MIPEP: variants seen among roughly 807,000 people sequenced by gnomAD.
The protein encoded by MIPEP is mitochondrial intermediate peptidase.
In MIPEP, 79 loss-of-function variants were observed where a neutral mutation model predicts 90.3. The ratio of observed to expected loss-of-function variants is 0.87; its 90% CI spans 0.73 to 1.05. The LOEUF is 1.05. Among genes scored for constraint, MIPEP ranks in the 50% least tolerant of loss-of-function variants. The pLI is 0.00. For synonymous variants in MIPEP, 334 were observed against 315.8 expected, an observed-to-expected ratio of 1.06 and a Z score of -0.61; for missense variants, 940 against 905.6, an observed-to-expected ratio of 1.04 and a Z score of -0.49.
chr13:23,797,242 C>T (rs558006553), intron 16 of MIPEP, among the ~76,000 whole-genome samples: 11 of 152,228 alleles, frequency 7.2e-5, no homozygotes, highest in African/African-American at 2.6e-4. Flanking sequence ...TTCCCTGCTG[C>T]CCCTTCCCAC....
intron 16 of MIPEP, chr13:23,766,195 T>C (rs1035039970): frequency 1.3e-5 from 2 of 152,250 alleles, no homozygotes; most frequent in Non-Finnish European, 2.9e-5. Flanking sequence ...CATTATTTGA[T>C]AGATGATGTA....
intron 18 of MIPEP, among the ~76,000 whole-genome samples, chr13:23,741,093 G>A (rs984801262): frequency 1.5e-4 from 23 of 152,082 alleles, no homozygotes; most frequent in Non-Finnish European, 1.5e-5. Flanking sequence ...TAAAATCAAA[G>A]CTAAAAAATC....
At chr13:23,816,150 C>T (rs1953234383) in intron 14 of MIPEP, among the ~76,000 whole-genome samples, 1 of 152,064 alleles carries the variant, frequency 6.6e-6, no homozygotes, top group African/African-American at 2.4e-5. Flanking sequence ...ATTGTTTGTC[C>T]TGCTTGGGAT....
intron 14 of MIPEP, among the ~76,000 whole-genome samples, chr13:23,828,966 TAC>T (rs1297671424): frequency 2.0e-5 from 3 of 152,240 alleles, no homozygotes; most frequent in Admixed American, 2.0e-4. Context: ...GCTCTAGTAA[TAC>T]AGACAGCATG....
At chr13:23,806,090 A>G in intron 15 of MIPEP, 21 bp from the exon 16 acceptor site, 1 of 1,613,242 alleles carries the variant, frequency 6.2e-7, no homozygotes, top group Non-Finnish European at 8.5e-7. Context: ...AAAAACATCT[A>G]CTTAGTTTTG....
At chr13:23,860,481 C>T (rs1870243031) in intron 9 of MIPEP, among the ~76,000 whole-genome samples, 1 of 152,174 alleles carries the variant, frequency 6.6e-6, no homozygotes, top group African/African-American at 2.4e-5. Flanking sequence ...AAGAACACAG[C>T]CTCGGCTTGG....
intron 18 of MIPEP, among the ~76,000 whole-genome samples, chr13:23,745,384 G>A (rs1952371117): frequency 1.3e-5 from 2 of 152,158 alleles, no homozygotes; most frequent in South Asian, 2.1e-4. Flanking sequence ...GCTCTTTCAG[G>A]AAACAGTCCA....
At chr13:23,776,319 G>A (rs928256719) in intron 16 of MIPEP, among the ~76,000 whole-genome samples, 2 of 152,112 alleles carry the variant, frequency 1.3e-5, no homozygotes, top group African/African-American at 4.8e-5. Flanking sequence ...CTATCATCAA[G>A]CAACCAGGAC....
chr13:23,773,677 C>T (rs142816015), intron 16 of MIPEP, among the ~76,000 whole-genome samples: 255 of 152,312 alleles, frequency 1.7e-3, no homozygotes, highest in African/African-American at 5.9e-3. Context: ...GAAGTAGTCT[C>T]GCACTGTGGT....
intron 7 of MIPEP, among the ~76,000 whole-genome samples, chr13:23,868,788 A>G (rs1379050568): frequency 1.3e-5 from 2 of 152,214 alleles, no homozygotes; most frequent in African/African-American, 2.4e-5. Context: ...GGAACTCAAC[A>G]TAGCACAAGG....
In MIPEP at chr13:23,875,027, A is replaced by AACACACACACAC. The variant is rs10595689; in HGVS notation, c.540-130_540-119dup. ...GCCTCACTGCCAAAAGTTTCTTCAA[A>AACACACACACAC]ACACACACACACACACACACACACA... is the stretch of plus-strand genomic sequence containing the variant. On this transcript the variant is annotated intron_variant, in intron 4 of 18. Transcript: ENST00000382172. 0.032 allele frequency: 12,851 copies of AACACACACACAC among 399,616 alleles called. 233 individuals are homozygous for AACACACACACAC. The highest frequency in any genetic ancestry group is 0.042 in the African/African-American group (1,966 of 46,924). The allele number at this position is 399,616 out of a possible 1,614,324, so 24.8% of individuals were successfully genotyped here.
At chr13:23,875,541 T>G (rs976241995) in intron 4 of MIPEP, among the ~76,000 whole-genome samples, 1 of 151,672 alleles carries the variant, frequency 6.6e-6, no homozygotes, top group Non-Finnish European at 1.5e-5. Flanking sequence ...TTTTTTTTTT[T>G]GTCAATGGTA....
At chr13:23,790,980 C>T (rs2094005) in intron 16 of MIPEP, among the ~76,000 whole-genome samples, 134,959 of 152,072 alleles carry the variant, frequency 0.89, 62,126 homozygotes, top group Non-Finnish European at 1. Flanking sequence ...ATAATATCCA[C>T]TCCAAGCATT....
intron 16 of MIPEP, among the ~76,000 whole-genome samples, chr13:23,788,765 T>C (rs1309634355): frequency 1.3e-5 from 2 of 152,362 alleles, no homozygotes; most frequent in East Asian, 1.9e-4. Flanking sequence ...CCAAGCTTTA[T>C]TGGATTTCTA....
chr13:23,861,370 C>G (rs1344539196), intron 9 of MIPEP, among the ~76,000 whole-genome samples: 3 of 152,150 alleles, frequency 2.0e-5, no homozygotes, highest in Non-Finnish European at 2.9e-5. Context: ...TATCTGGTTT[C>G]CCAAATAAGC....
At chr13:23,838,926 T>C (rs1593183410) in intron 12 of MIPEP, among the ~76,000 whole-genome samples, 2 of 152,260 alleles carry the variant, frequency 1.3e-5, no homozygotes, top group East Asian at 1.9e-4. Context: ...CCAGAATTCA[T>C]AAGCTCACAT....
Position 23,761,697 on chromosome 13 carries a change from A to G in MIPEP, c.1849-1480T>C, listed in dbSNP as rs571689660. 1.2e-4 allele frequency among the ~76,000 whole-genome samples: 19 copies of G among 152,342 alleles called. No individual in the cohort carries two copies. The South Asian group carries it at 3.7e-3, about 30-fold the overall frequency. On this transcript the variant is annotated intron_variant, in intron 16 of 18. Coordinates refer to ENST00000382172, the MANE Select transcript of MIPEP (RefSeq NM_005932.4). ...TATCTGCTGTAACGTCACCCCAGCC[A>G]AGGCTGGGACTATGAAAACTGTCCT...
At position 23,760,110 on chromosome 13, in the gene MIPEP, C is replaced by T; in HGVS notation, c.1956G>A (p.Gln652=). 6.2e-7 allele frequency: 1 copy of T among 1,614,092 alleles called. No homozygotes were observed. The highest frequency in any genetic ancestry group is 2.2e-5 in the East Asian group (1 of 44,870). Reference sequence around the variant, plus strand: ...TACCCCCTTACCTGTTGAAAGGATCCTGTAGAAAACACTCCTTCCAAACCA... The same window carrying T: ...TACCCCCTTACCTGTTGAAAGGATCTTGTAGAAAACACTCCTTCCAAACCA... ...ASMVWKECFL[Q]DPFNRAAGER... is the part of the protein sequence containing the mutation. The change falls in exon 17 of 19, where the codon CAG becomes CAA. Residue 652 remains glutamine (Q), a synonymous_variant. Transcript: ENST00000382172.
At chr13:23,816,281 T>C (rs1329050210) in intron 14 of MIPEP, among the ~76,000 whole-genome samples, 2 of 152,204 alleles carry the variant, frequency 1.3e-5, no homozygotes, top group Admixed American at 1.3e-4. Context: ...GGAACTTGAA[T>C]TGCATGTATG....
Sources: gnomAD v4.1 joint callset for allele counts (sites outside exome capture counted in the v4.1 genomes callset) on GRCh38, gnomAD v4.1.1 for gene constraint, MANE v1.5 for transcripts, NCBI Gene and HGNC (gene_info 2026-07-23, HGNC 2026-07-21) for gene names.